The following SEMA5A variants were observed in gnomAD, a reference collection of about 807,000 sequenced individuals.
SEMA5A encodes semaphorin 5A, also known as semaphorin-5A.
Under a neutral mutation model 135.5 loss-of-function variants are expected in SEMA5A, and 55 were observed. The ratio of observed to expected loss-of-function variants is 0.41; its 90% confidence interval spans 0.33 to 0.51. The LOEUF (loss-of-function observed/expected upper bound fraction) is 0.51. Ranked by LOEUF, SEMA5A falls within the 20% of genes least tolerant of loss-of-function variation. SEMA5A has a pLI of 0.37. For synonymous variants in SEMA5A, 580 were observed against 546.5 expected, an observed-to-expected ratio of 1.06 and a Z score of -0.85; for missense variants, 1,290 against 1,419.9, an observed-to-expected ratio of 0.91 and a Z score of 1.47.
intron 16 of SEMA5A, among the ~76,000 whole-genome samples, chr5:9,106,144 CA>C (rs1436929112): frequency 6.6e-6 from 1 of 152,066 alleles, no homozygotes; most frequent in African/African-American, 2.4e-5. Flanking sequence ...AGTAGACTAC[CA>C]AAAGGCTAAG....
chr5:9,243,738 A>C (rs1196078881), intron 5 of SEMA5A, among the ~76,000 whole-genome samples: 1 of 152,162 alleles, frequency 6.6e-6, no homozygotes, highest in African/African-American at 2.4e-5. Flanking sequence ...AGGGTAAATA[A>C]CTTGCCAAAG....
At chr5:9,406,484 A>C (rs1756892514) in intron 2 of SEMA5A, among the ~76,000 whole-genome samples, 1 of 152,202 alleles carries the variant, frequency 6.6e-6, no homozygotes, top group African/African-American at 2.4e-5. Context: ...AACCAGCAAC[A>C]CTGATTTTAT....
At chr5:9,271,950 A>G (rs1289242150) in intron 5 of SEMA5A, among the ~76,000 whole-genome samples, 1 of 152,134 alleles carries the variant, frequency 6.6e-6, no homozygotes, top group Non-Finnish European at 1.5e-5. Flanking sequence ...TTGAGCAGAT[A>G]CCAAGCTAGC....
At chr5:9,293,551 G>A (rs980559140) in intron 5 of SEMA5A, among the ~76,000 whole-genome samples, 8 of 152,196 alleles carry the variant, frequency 5.3e-5, no homozygotes, top group African/African-American at 1.7e-4. Context: ...TTTAACAGTA[G>A]GAATAAATCT....
chr5:9,082,394 GACAGAAAGAGT>G (rs1738437455), intron 16 of SEMA5A, among the ~76,000 whole-genome samples: 1 of 152,138 alleles, frequency 6.6e-6, no homozygotes, highest in Non-Finnish European at 1.5e-5. Context: ...GACTACCTAA[GACAGAAAGAGT>G]TGATTCTTCA....
chr5:9,338,688 CA>C (rs2150721993), intron 3 of SEMA5A, among the ~76,000 whole-genome samples: 1 of 152,188 alleles, frequency 6.6e-6, no homozygotes, highest in Non-Finnish European at 1.5e-5. Context: ...TGAATAACAC[CA>C]CCCTGACTAA....
intron 4 of SEMA5A, among the ~76,000 whole-genome samples, chr5:9,327,941 G>C (rs1289038590): frequency 1.3e-5 from 2 of 151,788 alleles, no homozygotes. Flanking sequence ...ATATTTCTAT[G>C]GTTCCTTTAA....
At chr5:9,060,724 T>C (rs1335667404) in intron 18 of SEMA5A, among the ~76,000 whole-genome samples, 3 of 152,118 alleles carry the variant, frequency 2.0e-5, no homozygotes, top group Non-Finnish European at 4.4e-5. Flanking sequence ...AGAAACATTA[T>C]TGGGAGCCTC....
intron 4 of SEMA5A, among the ~76,000 whole-genome samples, chr5:9,332,623 T>G (rs1753203244): frequency 6.6e-6 from 1 of 151,852 alleles, no homozygotes; most frequent in African/African-American, 2.4e-5. Context: ...GCTACTCACA[T>G]TGGGTCAGGT....
intron 3 of SEMA5A, among the ~76,000 whole-genome samples, chr5:9,364,990 T>C (rs1001225655): frequency 3.3e-5 from 5 of 152,244 alleles, no homozygotes; most frequent in South Asian, 4.1e-4. Context: ...TGAGTACTCA[T>C]TGTTCAGAAA....
In SEMA5A at chr5:9,279,963, A is replaced by T. The variant is rs151085657; in HGVS notation, c.270+38409T>A. ...ACTGACTAATATCAACTTGCATATG[A>T]CCATTTTGTCACTGGCTAAAATATT... On this transcript the variant is annotated intron_variant, in intron 5 of 22. Coordinates refer to ENST00000382496, the MANE Select transcript of SEMA5A (RefSeq NM_003966.3). 4.1e-4 allele frequency among the ~76,000 whole-genome samples: 63 copies of T among 152,312 alleles called. 3 individuals carry two copies. In the East Asian group the frequency reaches 6.4e-3, roughly 15 times the overall value.
chr5:9,148,466 G>A (rs936378325), intron 12 of SEMA5A, among the ~76,000 whole-genome samples: 8 of 152,090 alleles, frequency 5.3e-5, no homozygotes, highest in Admixed American at 5.2e-4. Flanking sequence ...GATCCTCCCT[G>A]GTCCTGGAAC....
chr5:9,286,019 T>C (rs919865856), intron 5 of SEMA5A, among the ~76,000 whole-genome samples: 3 of 152,220 alleles, frequency 2.0e-5, no homozygotes, highest in African/African-American at 7.2e-5. Context: ...GTTCCATACA[T>C]AGGTACAACT....
intron 6 of SEMA5A, among the ~76,000 whole-genome samples, chr5:9,231,717 G>T (rs902203863): frequency 1.3e-5 from 2 of 152,040 alleles, no homozygotes; most frequent in Non-Finnish European, 2.9e-5. Context: ...TTCTTTTAAA[G>T]GTTTCTCTTA....
chr5:9,420,842 G>T (rs1013070014), intron 2 of SEMA5A, among the ~76,000 whole-genome samples: 7 of 152,140 alleles, frequency 4.6e-5, no homozygotes, highest in African/African-American at 1.7e-4. Context: ...GTGAAACCCC[G>T]TCTCTACTAA....
rs747789049 is a variant in SEMA5A, at chr5:9,154,550, C to T, written c.1419G>A (p.Val473=). Residue 473 remains valine (V), a synonymous_variant, in exon 12 of 23, where the codon GTG becomes GTA. Coordinates refer to ENST00000382496, the MANE Select transcript of SEMA5A (RefSeq NM_003966.3). Reference sequence around the variant, plus strand: ...TCTTGACCACGTGCTCCCGCAGGCCCACGAACAGGACACTCTGGCTGTGCA... The same window carrying T: ...TCTTGACCACGTGCTCCCGCAGGCCTACGAACAGGACACTCTGGCTGTGCA... ...QILHSQSVLF[V]GLREHVVKIP... 7.4e-6 allele frequency: 12 copies of T among 1,613,052 alleles called. No individual in the cohort carries two copies. The highest frequency in any genetic ancestry group is 1.0e-5 in the Non-Finnish European group (12 of 1,179,968).
intron 2 of SEMA5A, among the ~76,000 whole-genome samples, chr5:9,399,107 G>C (rs1579476420): frequency 6.6e-6 from 1 of 152,056 alleles, no homozygotes; most frequent in African/African-American, 2.4e-5. Flanking sequence ...CTATATCTAA[G>C]AGAAAGAAAA....
intron 11 of SEMA5A, among the ~76,000 whole-genome samples, chr5:9,171,512 T>A (rs1743918989): frequency 1.3e-5 from 2 of 152,152 alleles, no homozygotes; most frequent in South Asian, 4.2e-4. Context: ...CTAAACATGC[T>A]CCACGCTAAT....
chr5:9,256,014 C>A (rs536717462), intron 5 of SEMA5A, among the ~76,000 whole-genome samples: 5 of 152,272 alleles, frequency 3.3e-5, no homozygotes, highest in South Asian at 4.2e-4. Flanking sequence ...ATCCAATCCA[C>A]CAACAAATCA....
Sources: allele counts gnomAD v4.1 joint callset (sites outside exome capture counted in the v4.1 genomes callset), GRCh38; gene constraint gnomAD v4.1.1; transcripts MANE v1.5; gene names NCBI Gene and HGNC (gene_info 2026-07-23, HGNC 2026-07-21).